PREX2: variants seen among roughly 807,000 people sequenced by gnomAD.
PREX2 encodes the protein phosphatidylinositol 3,4,5-trisphosphate-dependent Rac exchanger 2 protein.
In PREX2, 107 loss-of-function variants were observed where a neutral mutation model predicts 203.2. The ratio of observed to expected loss-of-function variants is 0.53; its 90% CI spans 0.45 to 0.62. PREX2 has a LOEUF of 0.62. PREX2 is among the 20% of genes least tolerant of loss of function. The pLI, the probability that PREX2 is intolerant of heterozygous loss-of-function variation, is 0.00. For synonymous variants in PREX2, 672 were observed against 663.6 expected (o/e 1.01, Z -0.19); for missense variants, 1,777 against 1,955.9 (o/e 0.91, Z 1.72).
At chr8:68,018,429 T>G (rs1207190335) in intron 2 of PREX2, among the ~76,000 whole-genome samples, 1 of 152,112 alleles carries the variant, frequency 6.6e-6, no homozygotes, top group African/African-American at 2.4e-5. Flanking sequence ...ATGGCGCCAT[T>G]GCACTCCAGC....
At chr8:68,119,645 A>G (rs565707689) in intron 28 of PREX2, 131 bp downstream of exon 28, 1 of 652,540 alleles carries the variant, frequency 1.5e-6, no homozygotes, top group Non-Finnish European at 2.7e-6. Context: ...CCTTTACCTC[A>G]ATTTCTGACA....
At chr8:68,147,480 T>C (rs1227915933) in intron 34 of PREX2, among the ~76,000 whole-genome samples, 1 of 152,180 alleles carries the variant, frequency 6.6e-6, no homozygotes. Context: ...GCTTTAAAAA[T>C]GGAAGTTTCC....
At chr8:68,113,504 A>G (rs552286338) in intron 25 of PREX2, among the ~76,000 whole-genome samples, 1 of 152,228 alleles carries the variant, frequency 6.6e-6, no homozygotes. Flanking sequence ...CTTACAGGAC[A>G]TAAAAGTATC....
chr8:68,236,938 T>C lies in PREX2; in HGVS notation c.*5560T>C, dbSNP rs576703385. 4 of 152,268 alleles carry C rather than the reference T, an allele frequency of 2.6e-5. No individual in the cohort carries two copies. In the East Asian group the frequency reaches 7.7e-4, roughly 29 times the overall value. The allele number at this position is 152,268 out of a possible 1,614,324, so 9.4% of individuals were successfully genotyped here. A position where few individuals can be genotyped will look rare whatever the true frequency, so the allele number is the denominator to read the frequency against. ...TAAAATTATCAAAGTGCATTATGTATTTTATATTGTTTATTTTTGTCTGCA... is the reference window on the plus strand; with the variant it reads ...TAAAATTATCAAAGTGCATTATGTACTTTATATTGTTTATTTTTGTCTGCA... On this transcript the variant is annotated 3_prime_UTR_variant, in exon 40 of 40. Coordinates refer to ENST00000288368, the MANE Select transcript of PREX2 (RefSeq NM_024870.4).
rs144680303 is a variant in PREX2 at position 68,114,289 on chromosome 8, A to G, written c.3147-1464A>G. 5.1e-4 allele frequency: 260 copies of G among 508,682 alleles called. 3 individuals are homozygous for G. The East Asian group carries it at 0.013, about 26-fold the overall frequency. The allele number at this position is 508,682 out of a possible 1,614,324, so 31.5% of individuals were successfully genotyped here. ...ACAGCATTGGGTTTGACATTATGGA[A>G]TATGCGTAAGAGGTATAAGATATCG... On this transcript the variant is annotated intron_variant, in intron 25 of 39. Transcript: ENST00000288368.
intron 1 of PREX2, among the ~76,000 whole-genome samples, chr8:67,980,489 A>C (rs1372109414): frequency 6.6e-6 from 1 of 152,236 alleles, no homozygotes; most frequent in Non-Finnish European, 1.5e-5. Context: ...AACAAAAAGT[A>C]GTTCAGTTGG....
At position 68,143,908 on chromosome 8, in the gene PREX2, G is replaced by A. The variant is rs147716414; in HGVS notation, c.4088-2301G>A. ...ATCTAGATTTATGTTTTTGCATGTAGATGCCCAGTTCTTCCAGAAACATTT... is the reference window on the plus strand; with the variant it reads ...ATCTAGATTTATGTTTTTGCATGTAAATGCCCAGTTCTTCCAGAAACATTT... On this transcript the variant is annotated intron_variant, in intron 33 of 39. Coordinates refer to ENST00000288368, the MANE Select transcript of PREX2 (RefSeq NM_024870.4). 7.8e-3 allele frequency among the ~76,000 whole-genome samples: 1,186 copies of A among 152,200 alleles called. 6 individuals carry two copies. Among genetic ancestry groups the A allele is most frequent in the African/African-American group, 0.011 (459 of 41,538 alleles).
chr8:68,088,728 C>T (rs1809776546), intron 19 of PREX2, among the ~76,000 whole-genome samples: 1 of 152,134 alleles, frequency 6.6e-6, no homozygotes, highest in Non-Finnish European at 1.5e-5. Flanking sequence ...AAAATCTTCC[C>T]AATAACTCAT....
chr8:67,979,291 A>G (rs568003185), intron 1 of PREX2, among the ~76,000 whole-genome samples: 2 of 152,324 alleles, frequency 1.3e-5, no homozygotes, highest in East Asian at 3.9e-4. Flanking sequence ...TTAGAGCTCT[A>G]TCATATCATT....
intron 15 of PREX2, among the ~76,000 whole-genome samples, chr8:68,079,932 A>G (rs975684268): frequency 1.9e-4 from 29 of 152,192 alleles, no homozygotes; most frequent in African/African-American, 6.8e-4. Flanking sequence ...CCCAGAAGGC[A>G]TATTTCTGGT....
chr8:68,182,766 A>C (rs1263462255), intron 35 of PREX2, among the ~76,000 whole-genome samples: 2 of 152,086 alleles, frequency 1.3e-5, no homozygotes, highest in Middle Eastern at 6.8e-3. Context: ...CAAATTTAAA[A>C]AATGGGTCTC....
chr8:68,127,896 T>C (rs1810926763), intron 31 of PREX2, among the ~76,000 whole-genome samples: 1 of 152,152 alleles, frequency 6.6e-6, no homozygotes, highest in Non-Finnish European at 1.5e-5. Flanking sequence ...AGATTCTAAA[T>C]TGCAGATGAT....
At chr8:68,110,556 A>G (rs1008424093) in intron 25 of PREX2, among the ~76,000 whole-genome samples, 2 of 152,106 alleles carry the variant, frequency 1.3e-5, no homozygotes, top group African/African-American at 2.4e-5. Flanking sequence ...TTTTTATTGT[A>G]CTCTCTTCGT....
chr8:68,179,281 C>G (rs904033226), intron 35 of PREX2, among the ~76,000 whole-genome samples: 1 of 152,070 alleles, frequency 6.6e-6, no homozygotes, highest in African/African-American at 2.4e-5. Flanking sequence ...AATTTCTTTA[C>G]TGAAGGCTGC....
In PREX2 at chr8:68,122,653, A is replaced by G. The variant is rs141233184; in HGVS notation, c.3724+1604A>G. Among the ~76,000 whole-genome samples, 128 of 152,152 alleles carry G rather than the reference A, an allele frequency of 8.4e-4. 1 individual carries two copies. The highest frequency in any genetic ancestry group is 2.9e-3 in the African/African-American group (122 of 41,552). On this transcript the variant is annotated intron_variant, in intron 30 of 39. Transcript: ENST00000288368. ...CTAGGAATGGAGAAATCCTTAAATC[A>G]TCTCCCCCACTTTTTTGTTTTGAAC...
intron 1 of PREX2, among the ~76,000 whole-genome samples, chr8:67,983,955 G>A (rs62520685): frequency 0.34 from 52,394 of 152,004 alleles, 9,445 homozygotes; most frequent in East Asian, 0.61. Flanking sequence ...ACAGTGCCTG[G>A]CACATAGTAG....
rs12543014 is a variant in PREX2 at position 67,983,376 on chromosome 8, A to G, written c.141+30841A>G. ...CTGAGTGATGTTCGAATATGTAAGCACTTTTTCATTTCCTTCATCTCTCCA... is the reference window on the plus strand; with the variant it reads ...CTGAGTGATGTTCGAATATGTAAGCGCTTTTTCATTTCCTTCATCTCTCCA... On this transcript the variant is annotated intron_variant, in intron 1 of 39. Coordinates refer to ENST00000288368, the MANE Select transcript of PREX2 (RefSeq NM_024870.4). 6.2e-3 allele frequency among the ~76,000 whole-genome samples: 809 copies of G among 130,368 alleles called. 22 individuals are homozygous for G. Among genetic ancestry groups the G allele is most frequent in the Admixed American group, 0.057 (728 of 12,666 alleles). The allele number at this position is 130,368 out of a possible 152,430, so 85.5% of individuals were successfully genotyped here.
chr8:68,215,677 G>A (rs1480129636), intron 37 of PREX2, among the ~76,000 whole-genome samples: 1 of 150,642 alleles, frequency 6.6e-6, no homozygotes, highest in African/African-American at 2.5e-5. Flanking sequence ...TGGGACTACA[G>A]GCACCCACCA....
At chr8:68,005,733 G>T (rs4737251) in intron 1 of PREX2, among the ~76,000 whole-genome samples, 108,124 of 151,738 alleles carry the variant, frequency 0.71, 39,663 homozygotes, top group African/African-American at 0.89. Context: ...TTCGTAGTAT[G>T]TACCACCATC....
Sources: allele counts gnomAD v4.1 joint callset (sites outside exome capture counted in the v4.1 genomes callset), GRCh38; gene constraint gnomAD v4.1.1; transcripts MANE v1.5; gene names NCBI Gene and HGNC (gene_info 2026-07-23, HGNC 2026-07-21).